Variants in ROBO1 observed in about 807,000 individuals in gnomAD.
The protein encoded by ROBO1 is roundabout guidance receptor 1, also known as roundabout homolog 1.
ROBO1 carries 149 observed loss-of-function variants against 195.9 expected under a neutral mutation model. That is an observed-to-expected ratio of 0.76 (90% CI 0.67 to 0.87). The LOEUF is 0.87. Among genes scored for constraint, ROBO1 ranks in the 40% least tolerant of loss-of-function variants. The pLI, the probability that ROBO1 is intolerant of heterozygous loss-of-function variation, is 0.00. For synonymous variants in ROBO1, 816 were observed against 733.2 expected, an observed-to-expected ratio of 1.11 and a Z score of -1.82; for missense variants, 1,933 against 2,068.3, an observed-to-expected ratio of 0.93 and a Z score of 1.27.
rs1559624679 is a variant in ROBO1 at position 78,597,912 on chromosome 3, G to A, written c.*1001C>T. On this transcript the variant is annotated 3_prime_UTR_variant, in exon 31 of 31. Transcript: ENST00000464233. The stretch of plus-strand genomic sequence containing the variant: ...GACAAAAAAGGTTAATAGTTACAAT[G>A]GTTTACAAATAAAGTTTAGTGATTG... 1 of 142,472 alleles carries A rather than the reference G, an allele frequency of 7.0e-6. No homozygotes were observed. The highest frequency in any genetic ancestry group is 2.6e-5 in the African/African-American group (1 of 38,176). The allele number at this position is 142,472 out of a possible 1,614,324, so 8.8% of individuals were successfully genotyped here. A position where few individuals can be genotyped will look rare whatever the true frequency, so the allele number is the denominator to read the frequency against.
At chr3:78,838,129 A>G (rs907284697) in intron 4 of ROBO1, among the ~76,000 whole-genome samples, 5 of 152,222 alleles carry the variant, frequency 3.3e-5, no homozygotes, top group Non-Finnish European at 7.3e-5. Flanking sequence ...TCTTGGGTTT[A>G]GTTCCTGTTT....
intron 2 of ROBO1, among the ~76,000 whole-genome samples, chr3:79,528,102 A>G (rs1355753693): frequency 2.8e-5 from 4 of 142,284 alleles, no homozygotes. Flanking sequence ...ATCACCACAT[A>G]TGAATACACG....
chr3:79,752,609 G>T (rs1383812434), intron 1 of ROBO1, among the ~76,000 whole-genome samples: 1 of 152,110 alleles, frequency 6.6e-6, no homozygotes, highest in African/African-American at 2.4e-5. Flanking sequence ...ACTCTATTCT[G>T]CAGGCAGTAA....
intron 1 of ROBO1, among the ~76,000 whole-genome samples, chr3:79,654,548 G>GGAACACATGCCAAAACTTGTATTAA (rs1946104147): frequency 3.3e-5 from 5 of 151,828 alleles, no homozygotes; most frequent in Non-Finnish European, 5.9e-5. Context: ...CTTATGTTTG[G>GGAACACATGCCAAAACTTGTATTAA]GAACACATGC....
chr3:79,765,865 C>A (rs1207801940), intron 1 of ROBO1, among the ~76,000 whole-genome samples: 1 of 152,104 alleles, frequency 6.6e-6, no homozygotes, highest in Non-Finnish European at 1.5e-5. Context: ...CCCGGGTTGA[C>A]AAGCAACCTC....
At chr3:78,858,392 T>C (rs901231057) in intron 4 of ROBO1, among the ~76,000 whole-genome samples, 5 of 151,962 alleles carry the variant, frequency 3.3e-5, no homozygotes, top group African/African-American at 1.2e-4. Flanking sequence ...AACAATGTCA[T>C]GAATCAGTGT....
chr3:78,968,843 G>A (rs1344625829), intron 3 of ROBO1, among the ~76,000 whole-genome samples: 1 of 152,152 alleles, frequency 6.6e-6, no homozygotes, highest in Non-Finnish European at 1.5e-5. Context: ...TACTGGTAAG[G>A]TTAAAAGATG....
intron 2 of ROBO1, among the ~76,000 whole-genome samples, chr3:79,436,060 A>G (rs1276861359): frequency 6.6e-6 from 1 of 152,194 alleles, no homozygotes; most frequent in Admixed American, 6.5e-5. Context: ...TCTATATGCC[A>G]GGAAAACACT....
intron 2 of ROBO1, among the ~76,000 whole-genome samples, chr3:79,453,410 C>T (rs771099940): frequency 6.6e-5 from 10 of 152,028 alleles, no homozygotes; most frequent in African/African-American, 9.7e-5. Context: ...TTTTAGACCA[C>T]ACAACTATTC....
rs531096292 is a variant in ROBO1 at position 78,641,435 on chromosome 3, G to A, written c.2883-1537C>T. On this transcript the variant is annotated intron_variant, in intron 21 of 30. Coordinates refer to ENST00000464233, the MANE Select transcript of ROBO1 (RefSeq NM_002941.4). ...ATCGGAAGTGTAAGCTGTTAAAACT[G>A]AGCCATCTTACTATTAAAATTGTTG... 2.0e-3 allele frequency among the ~76,000 whole-genome samples: 308 copies of A among 152,274 alleles called. 3 individuals carry two copies. The highest frequency in any genetic ancestry group is 7.1e-3 in the African/African-American group (293 of 41,556).
chr3:79,596,974 G>T (rs1944193393), intron 1 of ROBO1, among the ~76,000 whole-genome samples: 1 of 151,934 alleles, frequency 6.6e-6, no homozygotes, highest in South Asian at 2.1e-4. Flanking sequence ...GAAAAAAATA[G>T]AAATAAACAT....
At chr3:78,779,579 A>G (rs1576150028) in intron 4 of ROBO1, among the ~76,000 whole-genome samples, 1 of 152,218 alleles carries the variant, frequency 6.6e-6, no homozygotes, top group Non-Finnish European at 1.5e-5. Context: ...GTCAGTTAGA[A>G]TGTTGTTCAT....
At chr3:79,081,181 T>A (rs1265314457) in intron 3 of ROBO1, among the ~76,000 whole-genome samples, 3 of 152,096 alleles carry the variant, frequency 2.0e-5, no homozygotes, top group Non-Finnish European at 4.4e-5. Context: ...CGATAGGATT[T>A]TTTTTTTTGC....
At chr3:79,416,340 G>C (rs142184402) in intron 2 of ROBO1, among the ~76,000 whole-genome samples, 51 of 151,560 alleles carry the variant, frequency 3.4e-4, no homozygotes, top group Admixed American at 2.9e-3. Flanking sequence ...GTGCTATGTC[G>C]CATGCCTGTA....
Position 79,271,303 on chromosome 3 carries a change from G to A in ROBO1, c.89-145764C>T, listed in dbSNP as rs78808137. On this transcript the variant is annotated intron_variant, in intron 2 of 30. Transcript: ENST00000464233. ...TACTTTTCATGTCCCCTCAGTGTCT[G>A]TTTTATTATAACCACTGGTCCAGCT... 1.5e-3 allele frequency among the ~76,000 whole-genome samples: 233 copies of A among 151,960 alleles called. 1 individual carries two copies. The highest frequency in any genetic ancestry group is 5.3e-3 in the African/African-American group (221 of 41,504).
At chr3:79,014,362 A>G (rs1001992169) in intron 3 of ROBO1, among the ~76,000 whole-genome samples, 6 of 152,132 alleles carry the variant, frequency 3.9e-5, no homozygotes, top group African/African-American at 2.4e-5. Context: ...AATTTCAGCT[A>G]CTCAGGAGGC....
chr3:79,628,400 G>A (rs1362550171), intron 1 of ROBO1, among the ~76,000 whole-genome samples: 3 of 152,022 alleles, frequency 2.0e-5, no homozygotes, highest in East Asian at 1.9e-4. Flanking sequence ...ACCAAACACC[G>A]CATGTTCTCA....
intron 3 of ROBO1, among the ~76,000 whole-genome samples, chr3:79,095,193 T>G (rs746432140): frequency 6.6e-6 from 1 of 151,998 alleles, no homozygotes; most frequent in Admixed American, 6.6e-5. Context: ...GGTATGCAAA[T>G]TTTTTGATAT....
intron 2 of ROBO1, among the ~76,000 whole-genome samples, chr3:79,578,337 C>T (rs1943559894): frequency 6.6e-6 from 1 of 151,996 alleles, no homozygotes; most frequent in Non-Finnish European, 1.5e-5. Flanking sequence ...TTCAATGAAA[C>T]AAGTTTCACT....
Sources: allele counts gnomAD v4.1 joint callset (sites outside exome capture counted in the v4.1 genomes callset), GRCh38; gene constraint gnomAD v4.1.1; transcripts MANE v1.5; gene names NCBI Gene and HGNC (gene_info 2026-07-23, HGNC 2026-07-21).